Variants in PCDH7 observed in about 807,000 individuals in gnomAD.
PCDH7 encodes protocadherin-7.
Under a neutral mutation model 58.9 loss-of-function variants are expected in PCDH7, and 17 were observed. The ratio of observed to expected loss-of-function variants is 0.29; its 90% CI spans 0.20 to 0.43. PCDH7 has a LOEUF of 0.43. PCDH7 is among the 20% of genes least tolerant of loss of function. PCDH7 has a pLI of 1.00. For synonymous variants in PCDH7, 664 were observed against 616.4 expected, an observed-to-expected ratio of 1.08 and a Z score of -1.14; for missense variants, 1,274 against 1,441.0, an observed-to-expected ratio of 0.88 and a Z score of 1.88.
At position 30,955,509 on chromosome 4, in the gene PCDH7, T is replaced by G. The variant is rs984177245; in HGVS notation, c.*7+5294T>G. Among the ~76,000 whole-genome samples the G allele has an allele frequency of 5.3e-4, 80 of 151,602 alleles. 1 individual carries two copies. The South Asian group carries it at 0.01, about 20-fold the overall frequency. On this transcript the variant is annotated intron_variant, in intron 3 of 3. Coordinates refer to the PCDH7 transcript ENST00000509759. ...TTTTATTTTATTATTGTATTTTATT[T>G]TATTTTATTTTATTTCATTTTATTT...
chr4:30,947,406 G>A (rs910294841), intron 2 of PCDH7, among the ~76,000 whole-genome samples: 1 of 151,794 alleles, frequency 6.6e-6, no homozygotes, highest in Non-Finnish European at 1.5e-5. Context: ...CTTTGTTATT[G>A]TTACCAGGTG....
At chr4:30,730,050 T>C (rs949372912) in intron 1 of PCDH7, among the ~76,000 whole-genome samples, 3 of 151,876 alleles carry the variant, frequency 2.0e-5, no homozygotes, top group Admixed American at 6.6e-5. Flanking sequence ...TTTTAACATC[T>C]TTTCTTTCCT....
intron 1 of PCDH7, among the ~76,000 whole-genome samples, chr4:30,867,730 T>C (rs1404287088): frequency 1.3e-5 from 2 of 152,070 alleles, no homozygotes; most frequent in Non-Finnish European, 2.9e-5. Context: ...ATGTGGAATA[T>C]GTCTATTTGT....
chr4:31,086,722 A>C (rs1161326822), intron 3 of PCDH7, among the ~76,000 whole-genome samples: 5 of 152,184 alleles, frequency 3.3e-5, no homozygotes, highest in Non-Finnish European at 5.9e-5. Context: ...CATCTATCTT[A>C]AAACAGGACC....
chr4:31,075,631 C>T (rs1364013869), intron 3 of PCDH7, among the ~76,000 whole-genome samples: 1 of 152,114 alleles, frequency 6.6e-6, no homozygotes, highest in East Asian at 1.9e-4. Context: ...GGCCTAGCTT[C>T]ATTACTCCTC....
At chr4:31,142,084 A>G (rs1204075516) in intron 3 of PCDH7, among the ~76,000 whole-genome samples, 1 of 152,180 alleles carries the variant, frequency 6.6e-6, no homozygotes, top group African/African-American at 2.4e-5. Context: ...AATCCAGAAA[A>G]TTGTCTATTT....
intron 1 of PCDH7, among the ~76,000 whole-genome samples, chr4:30,755,279 A>G (rs1209898538): frequency 6.6e-6 from 1 of 152,196 alleles, no homozygotes; most frequent in African/African-American, 2.4e-5. Context: ...GTTTATGAAT[A>G]AGTATGGTGC....
chr4:30,783,838 TA>T (rs1423529180), intron 1 of PCDH7, among the ~76,000 whole-genome samples: 1 of 152,170 alleles, frequency 6.6e-6, no homozygotes, highest in African/African-American at 2.4e-5. Flanking sequence ...GTTCTCAGCT[TA>T]ATTTAGCCTC....
At position 31,008,484 on chromosome 4, in the gene PCDH7, A is replaced by T. The variant is rs116073179; in HGVS notation, c.*7+58269A>T. 8.5e-3 allele frequency among the ~76,000 whole-genome samples: 1,295 copies of T among 152,282 alleles called. 6 individuals carry two copies. Among genetic ancestry groups the T allele is most frequent in the Non-Finnish European group, 0.013 (852 of 68,006 alleles). ...TGAATTAATCCTCAGGATGAATGTTATTACTTTGTTAAGTTAGATTTTCTG... is the reference window on the plus strand; with the variant it reads ...TGAATTAATCCTCAGGATGAATGTTTTTACTTTGTTAAGTTAGATTTTCTG... On this transcript the variant is annotated intron_variant, in intron 3 of 3. Coordinates refer to the PCDH7 transcript ENST00000509759.
At chr4:30,816,891 GC>G (rs1727746658) in intron 1 of PCDH7, among the ~76,000 whole-genome samples, 1 of 152,056 alleles carries the variant, frequency 6.6e-6, no homozygotes, top group Non-Finnish European at 1.5e-5. Context: ...CCTTTTGTTT[GC>G]ATTCCAATGT....
chr4:31,078,024 A>T (rs1394551132), intron 3 of PCDH7, among the ~76,000 whole-genome samples: 1 of 152,136 alleles, frequency 6.6e-6, no homozygotes, highest in East Asian at 1.9e-4. Context: ...TGTGGAGAAA[A>T]AAGCTGGCTT....
chr4:30,875,879 C>T (rs1278195504), intron 1 of PCDH7, among the ~76,000 whole-genome samples: 1 of 152,054 alleles, frequency 6.6e-6, no homozygotes, highest in Non-Finnish European at 1.5e-5. Context: ...CTATTAATTT[C>T]AACAGGATCT....
At chr4:30,993,681 T>C (rs1203998256) in intron 3 of PCDH7, among the ~76,000 whole-genome samples, 1 of 152,148 alleles carries the variant, frequency 6.6e-6, no homozygotes, top group Non-Finnish European at 1.5e-5. Context: ...AGTTTTATTT[T>C]TTATTATTTT....
chr4:30,771,361 T>G (rs575129932), intron 1 of PCDH7, among the ~76,000 whole-genome samples: 254 of 152,324 alleles, frequency 1.7e-3, no homozygotes, highest in Non-Finnish European at 2.9e-3. Flanking sequence ...CCTTGCATTC[T>G]GGGACTCTAT....
chr4:30,883,988 T>C (rs1473392560), intron 1 of PCDH7, among the ~76,000 whole-genome samples: 1 of 152,194 alleles, frequency 6.6e-6, no homozygotes, highest in Non-Finnish European at 1.5e-5. Flanking sequence ...CCTCTCCTTT[T>C]GTAACTTTTA....
chr4:31,140,406 GA>G (rs1474258830), intron 3 of PCDH7, among the ~76,000 whole-genome samples: 2 of 151,434 alleles, frequency 1.3e-5, no homozygotes, highest in East Asian at 1.9e-4. Flanking sequence ...CATTCATAAA[GA>G]TTTTTTTATA....
intron 3 of PCDH7, among the ~76,000 whole-genome samples, chr4:31,059,338 T>C (rs1757495510): frequency 6.6e-6 from 1 of 151,930 alleles, no homozygotes; most frequent in Non-Finnish European, 1.5e-5. Context: ...ACTCTTTTGT[T>C]CCTAATAACA....
intron 1 of PCDH7, among the ~76,000 whole-genome samples, chr4:30,883,319 TA>T (rs1737252942): frequency 6.6e-6 from 1 of 152,200 alleles, no homozygotes; most frequent in South Asian, 2.1e-4. Flanking sequence ...TCCCAGTACT[TA>T]CTGAGAATGT....
At chr4:31,099,285 GCTCT>G (rs1714588017) in intron 3 of PCDH7, among the ~76,000 whole-genome samples, 1 of 152,186 alleles carries the variant, frequency 6.6e-6, no homozygotes, top group Non-Finnish European at 1.5e-5. Context: ...TACTCAATCT[GCTCT>G]CTGAGTGAAG....
Sources: allele counts gnomAD v4.1 joint callset (sites outside exome capture counted in the v4.1 genomes callset), GRCh38; gene constraint gnomAD v4.1.1; transcripts MANE v1.5; gene names NCBI Gene and HGNC (gene_info 2026-07-23, HGNC 2026-07-21).